The following EXOSC7 variants were observed in gnomAD, a reference collection of about 807,000 sequenced individuals.
EXOSC7 encodes the protein exosome component 7, also known as exosome complex component RRP42.
A neutral mutation model predicts 34.3 loss-of-function variants in EXOSC7; 25 were observed. The ratio of observed to expected loss-of-function variants is 0.73; its 90% CI spans 0.53 to 1.02. The LOEUF (loss-of-function observed/expected upper bound fraction) is 1.02, where lower values mean the gene tolerates loss of function less well. EXOSC7 is among the 50% of genes least tolerant of loss of function. The pLI is 0.00. For synonymous variants in EXOSC7, 130 were observed against 143.0 expected (o/e 0.91, Z 0.65); for missense variants, 370 against 368.5 (o/e 1.00, Z -0.03).
rs568506027 is a variant in EXOSC7, at chr3:45,011,131, T to A, written c.772-104T>A. The A allele has an allele frequency of 7.3e-6, 4 of 548,958 alleles. No individual in the cohort carries two copies. In the Admixed American group the frequency reaches 1.1e-4, roughly 16 times the overall value. The allele number at this position is 548,958 out of a possible 1,614,324, so 34.0% of individuals were successfully genotyped here. A position where few individuals can be genotyped will look rare whatever the true frequency, so the allele number is the denominator to read the frequency against. ...AAAGTCCTCTAAGGCAGATGGAATG[T>A]GTACAATGTCAGAAAGACTAGCTGG... is the stretch of plus-strand genomic sequence containing the variant. On this transcript the variant is annotated intron_variant, in intron 7 of 7. Transcript: ENST00000265564.
In EXOSC7 at chr3:45,007,532, G is replaced by A. The variant is rs1227695056; in HGVS notation, c.728G>A (p.Gly243Glu). ...KGVVTCMRKV[G>E]KGSLDPESIF... Reference sequence around the variant, plus strand: ...GTTGTGACGTGCATGAGGAAAGTGGGGAAGGGCAGCCTGGACCCAGAGAGC... The same window carrying A: ...GTTGTGACGTGCATGAGGAAAGTGGAGAAGGGCAGCCTGGACCCAGAGAGC... Residue 243 changes from glycine (G) to glutamate (E), a missense_variant, in exon 7 of 8, where the codon GGG becomes GAG. Transcript: ENST00000265564. The A allele has an allele frequency of 3.1e-6, 5 of 1,613,662 alleles. No individual in the cohort carries two copies. The highest frequency in any genetic ancestry group is 1.1e-5 in the South Asian group (1 of 91,012).
Position 45,011,216 on chromosome 3 carries a change from T to C in EXOSC7, c.772-19T>C, listed in dbSNP as rs1707201682. The stretch of plus-strand genomic sequence containing the variant: ...GCCTTACAAGGGGGTGTGTGCTCTC[T>C]CCCGTCCCTTCTCCACAGACTGGCA... On this transcript the variant is annotated intron_variant, in intron 7 of 7. Transcript: ENST00000265564. 2 of 1,545,866 alleles carry C rather than the reference T, an allele frequency of 1.3e-6. No individual in the cohort carries two copies. The highest frequency in any genetic ancestry group is 1.8e-6 in the Non-Finnish European group (2 of 1,124,612).
intron 5 of EXOSC7, 108 bp from the exon 6 acceptor site, chr3:45,005,183 G>T: frequency 7.9e-7 from 1 of 1,268,268 alleles, no homozygotes; most frequent in African/African-American, 1.5e-5. Context: ...TAGGCATAGC[G>T]TGTCTTTCTC....
intron 3 of EXOSC7, among the ~76,000 whole-genome samples, chr3:44,996,018 A>G (rs76951547): frequency 0.12 from 17,577 of 151,964 alleles, 1,034 homozygotes; most frequent in Middle Eastern, 0.22. Context: ...TCCCGCTTCT[A>G]CCTCACTGTT....
chr3:44,984,120 A>C (rs1478698599), intron 1 of EXOSC7, among the ~76,000 whole-genome samples: 5 of 152,194 alleles, frequency 3.3e-5, no homozygotes. Context: ...TCCTGGACCA[A>C]GTACATTTTC....
At chr3:44,995,886 C>T (rs908334114) in intron 3 of EXOSC7, among the ~76,000 whole-genome samples, 2 of 152,192 alleles carry the variant, frequency 1.3e-5, no homozygotes, top group African/African-American at 2.4e-5. Context: ...CTGCCATGGG[C>T]GTTCACACAG....
At chr3:44,980,485 T>A (rs1706243562) in intron 1 of EXOSC7, among the ~76,000 whole-genome samples, 1 of 151,136 alleles carries the variant, frequency 6.6e-6, no homozygotes, top group Non-Finnish European at 1.5e-5. Flanking sequence ...GTTGAGTCGC[T>A]TGTCAAGGTG....
At chr3:44,981,425 A>G (rs1706266143) in intron 1 of EXOSC7, among the ~76,000 whole-genome samples, 1 of 152,220 alleles carries the variant, frequency 6.6e-6, no homozygotes, top group Non-Finnish European at 1.5e-5. Context: ...AGAGATGTCA[A>G]GCACTTGGGC....
At chr3:45,005,827 G>T (rs951342761) in intron 6 of EXOSC7, among the ~76,000 whole-genome samples, 2 of 152,068 alleles carry the variant, frequency 1.3e-5, no homozygotes, top group Non-Finnish European at 2.9e-5. Flanking sequence ...TATCATGAGT[G>T]GTTTTCACAT....
chr3:44,985,570 G>A (rs113314421), intron 1 of EXOSC7, among the ~76,000 whole-genome samples: 165 of 152,106 alleles, frequency 1.1e-3, no homozygotes, highest in African/African-American at 3.9e-3. Flanking sequence ...TTCCTCCCGA[G>A]GTGGGTTCGT....
chr3:44,979,264 A>G (rs1026361728), intron 1 of EXOSC7, among the ~76,000 whole-genome samples: 1 of 152,222 alleles, frequency 6.6e-6, no homozygotes, highest in Non-Finnish European at 1.5e-5. Flanking sequence ...CGTTGGTTAT[A>G]GAGTGCCGGC....
chr3:44,994,608 G>A (rs1291105744), intron 3 of EXOSC7, among the ~76,000 whole-genome samples: 1 of 152,086 alleles, frequency 6.6e-6, no homozygotes, highest in Non-Finnish European at 1.5e-5. Context: ...GTAGTGAAGT[G>A]GAATCCTCAT....
At chr3:44,979,005 A>G (rs1706199912) in intron 1 of EXOSC7, among the ~76,000 whole-genome samples, 1 of 152,238 alleles carries the variant, frequency 6.6e-6, no homozygotes, top group African/African-American at 2.4e-5. Flanking sequence ...CCCTCTCACC[A>G]GTACCATGGA....
At chr3:44,976,746 G>A (rs193251899) in intron 1 of EXOSC7, among the ~76,000 whole-genome samples, 44 of 152,220 alleles carry the variant, frequency 2.9e-4, no homozygotes, top group African/African-American at 1.0e-3. Flanking sequence ...GAGGGCGCAT[G>A]CGAGGTGAAC....
chr3:45,002,225 G>GCA (rs1205038534), intron 5 of EXOSC7: 1 of 152,212 alleles, frequency 6.6e-6, no homozygotes, highest in African/African-American at 2.4e-5. Flanking sequence ...CAAGTACTTT[G>GCA]AGGAAAATTT....
intron 1 of EXOSC7, 78 bp from the exon 2 acceptor site, chr3:44,989,062 A>AG (rs1706496630): frequency 8.6e-6 from 8 of 932,800 alleles, no homozygotes; most frequent in Non-Finnish European, 1.0e-5. Flanking sequence ...TATCTTCTCT[A>AG]GGGGGAAAAT....
At chr3:44,991,748 T>C (rs1381759185) in intron 3 of EXOSC7, among the ~76,000 whole-genome samples, 1 of 152,194 alleles carries the variant, frequency 6.6e-6, no homozygotes, top group Non-Finnish European at 1.5e-5. Context: ...AGAAGTAGCC[T>C]ATCTTTCCTG....
At chr3:45,006,068 CTTTTTTTTTTT>C (rs34869939) in intron 6 of EXOSC7, among the ~76,000 whole-genome samples, 11 of 47,294 alleles carry the variant, frequency 2.3e-4, no homozygotes, top group African/African-American at 3.3e-4. Flanking sequence ...TGGGTCTTGG[CTTTTTTTTTTT>C]TTTTTTTTTT....
At chr3:44,997,030 C>G in intron 3 of EXOSC7, 57 bp from the exon 4 acceptor site, 1 of 1,562,654 alleles carries the variant, frequency 6.4e-7, no homozygotes, top group Non-Finnish European at 8.8e-7. Context: ...AGCTTTGCCT[C>G]TTTGCTTTTT....
Sources: allele counts gnomAD v4.1 joint callset (sites outside exome capture counted in the v4.1 genomes callset), GRCh38; gene constraint gnomAD v4.1.1; transcripts MANE v1.5; gene names NCBI Gene and HGNC (gene_info 2026-07-23, HGNC 2026-07-21).